BMX: variants seen among roughly 807,000 people sequenced by gnomAD.
BMX encodes cytoplasmic tyrosine-protein kinase BMX.
A neutral mutation model predicts 59.2 loss-of-function variants in BMX; 31 were observed. That is an observed-to-expected ratio of 0.52 (90% confidence interval 0.39 to 0.71). BMX has a LOEUF of 0.71. Among genes scored for constraint, BMX ranks in the 30% least tolerant of loss-of-function variants. The pLI is 0.00. For synonymous variants in BMX, 185 were observed against 181.0 expected (o/e 1.02, Z -0.18); for missense variants, 474 against 491.7 (o/e 0.96, Z 0.34).
Position 15,542,109 on chromosome X carries a change from C to G in BMX, c.1522C>G (p.Leu508Val). 1 of 1,211,585 alleles carries G rather than the reference C, an allele frequency of 8.3e-7. No homozygotes were observed. Among genetic ancestry groups the G allele is most frequent in the Non-Finnish European group, 1.1e-6 (1 of 895,342 alleles). Residue 508 changes from leucine (L) to valine (V), a missense_variant, in exon 15 of 19, where the codon CTT (leucine) becomes GTT (valine). Transcript: ENST00000348343. ...TTACCTGAGGAGTCACGGAAAAGGA[C>G]TTGAACCTTCCCAGCTCTTAGAAAT... ...LNYLRSHGKG[L>V]EPSQLLEMCY...
At chrX:15,513,020 C>T (rs1174764963) in intron 4 of BMX, among the ~76,000 whole-genome samples, 1 of 112,005 alleles carries the variant, frequency 8.9e-6, no homozygotes, top group Non-Finnish European at 1.9e-5. Flanking sequence ...GCAGAGAGTC[C>T]CCATCACTAC....
chrX:15,512,059 T>C (rs1480179506), intron 4 of BMX, among the ~76,000 whole-genome samples: 2 of 112,236 alleles, frequency 1.8e-5, no homozygotes, highest in African/African-American at 3.2e-5. Context: ...GCCACTGTCA[T>C]AGATACAGTA....
intron 14 of BMX, among the ~76,000 whole-genome samples, chrX:15,541,241 C>T (rs1305229854): frequency 1.8e-5 from 2 of 111,152 alleles, no homozygotes; most frequent in African/African-American, 3.3e-5. Flanking sequence ...CCATCTGGAA[C>T]ATCTGATTAC....
At chrX:15,501,114 C>T (rs184299429) in intron 1 of BMX, among the ~76,000 whole-genome samples, 174 bp downstream of exon 1, 1 of 111,850 alleles carries the variant, frequency 8.9e-6, no homozygotes, top group East Asian at 2.8e-4. Context: ...TTAGATGGGA[C>T]CAGGTAATTT....
chrX:15,549,700 TG>T, intron 17 of BMX, 139 bp from the exon 18 acceptor site: 1 of 671,549 alleles, frequency 1.5e-6, no homozygotes, highest in Non-Finnish European at 2.2e-6. Context: ...CTCATTTCGC[TG>T]GGACTCATTT....
Position 15,512,691 on chromosome X carries a change from A to G in BMX, c.325+1173A>G, listed in dbSNP as rs183603116. Among the ~76,000 whole-genome samples, 21 of 112,319 alleles carry G rather than the reference A, an allele frequency of 1.9e-4. No individual in the cohort carries two copies. In the Admixed American group the frequency reaches 1.9e-3, roughly 10 times the overall value. On this transcript the variant is annotated intron_variant, in intron 4 of 18. Transcript: ENST00000348343. ...GTTTAAGTTAATCCTGACCTGTCAA[A>G]TAGGAGATCACATTTCTTTTCTCCT... is the stretch of plus-strand genomic sequence containing the variant.
rs1479686211 is a variant in BMX at position 15,554,764 on chromosome X, G to A, written c.1954-1309G>A. Among the ~76,000 whole-genome samples the A allele has an allele frequency of 5.4e-5, 6 of 111,490 alleles. No homozygotes were observed. In the Admixed American group the frequency reaches 5.7e-4, roughly 11 times the overall value. ...TATGGCTCCAAATATATAATTTTAT[G>A]TGACTATTCTGTTGTTGGCAGCCCT... On this transcript the variant is annotated intron_variant, in intron 18 of 18. Transcript: ENST00000348343.
intron 15 of BMX, 136 bp downstream of exon 15, chrX:15,542,334 A>G: frequency 1.8e-6 from 1 of 542,403 alleles, no homozygotes. Context: ...GTTTAAGCAA[A>G]TGACATTTTT....
intron 9 of BMX, among the ~76,000 whole-genome samples, chrX:15,527,247 AATATATATATATATATATAT>A (rs34046926): frequency 2.8e-4 from 16 of 56,352 alleles, no homozygotes; most frequent in South Asian, 1.2e-3. Context: ...CACACACACA[AATATATATATATATATATAT>A]ATATATATAT....
At position 15,522,529 on chromosome X, in the gene BMX, A is replaced by C. The variant is rs369745985; in HGVS notation, c.694A>C (p.Met232Leu). The C allele has an allele frequency of 1.2e-5, 15 of 1,210,594 alleles. No individual in the cohort carries two copies. The highest frequency in any genetic ancestry group is 1.7e-5 in the Non-Finnish European group (15 of 895,150). Reference protein sequence around the residue: ...KIYGSQPNFNMQYIPREDFPD... With the variant: ...KIYGSQPNFNLQYIPREDFPD... The stretch of plus-strand genomic sequence containing the variant: ...CTATGGCTCCCAGCCAAACTTCAAC[A>C]TGCAGTATATTCCAAGGGAAGACTT... Residue 232 changes from methionine to leucine, a missense_variant, in exon 7 of 19, where the codon ATG becomes CTG. Met to Leu is a conservative substitution (Grantham distance 15). Coordinates refer to ENST00000348343, the MANE Select transcript of BMX (RefSeq NM_203281.3).
Position 15,533,123 on chromosome X carries a change from A to G in BMX, c.1020-1089A>G, listed in dbSNP as rs146217251. Among the ~76,000 whole-genome samples the G allele has an allele frequency of 2.5e-3, 285 of 112,705 alleles. 6 individuals are homozygous for G. The East Asian group carries it at 0.072, about 29-fold the overall frequency. ...AGCTGATTAAACATTTGCAGCAAAG[A>G]GAAGAACCATTTCTCCTTTTGTACT... On this transcript the variant is annotated intron_variant, in intron 11 of 18. Transcript: ENST00000348343.
chrX:15,528,303 C>T (rs1455659096), intron 9 of BMX, among the ~76,000 whole-genome samples: 1 of 111,862 alleles, frequency 8.9e-6, no homozygotes, highest in Non-Finnish European at 1.9e-5. Flanking sequence ...TGAGCAATTC[C>T]AGTCAATTCC....
chrX:15,524,422 G>A (rs1201265912), intron 7 of BMX, among the ~76,000 whole-genome samples: 1 of 112,356 alleles, frequency 8.9e-6, no homozygotes, highest in African/African-American at 3.2e-5. Flanking sequence ...CATTTACATT[G>A]TTGTGCAAAT....
intron 13 of BMX, 149 bp from the exon 14 acceptor site, chrX:15,536,985 G>GT (rs368798334): frequency 0.015 from 7,398 of 477,730 alleles, no homozygotes; most frequent in East Asian, 0.018. Context: ...ATCACTAAGG[G>GT]TTTTTTTTTT....
intron 14 of BMX, among the ~76,000 whole-genome samples, chrX:15,540,431 G>C (rs962288682): frequency 6.4e-5 from 7 of 108,816 alleles, no homozygotes; most frequent in Non-Finnish European, 1.1e-4. Context: ...GGGCTTGTTG[G>C]GGGGTGGGGG....
At chrX:15,533,277 A>G (rs150995407) in intron 11 of BMX, among the ~76,000 whole-genome samples, 1 of 111,599 alleles carries the variant, frequency 9.0e-6, no homozygotes, top group Non-Finnish European at 1.9e-5. Flanking sequence ...TCTTGTAGAG[A>G]TTATTTCATC....
rs1458055092 is a variant in BMX, at chrX:15,526,033, C to A, written c.831-9C>A. 2.5e-6 allele frequency: 3 copies of A among 1,202,824 alleles called. No homozygotes were observed. The highest frequency in any genetic ancestry group is 3.4e-6 in the Non-Finnish European group (3 of 891,034). On this transcript the variant is annotated splice_polypyrimidine_tract_variant and intron_variant, in intron 8 of 18. Coordinates refer to ENST00000348343, the MANE Select transcript of BMX (RefSeq NM_203281.3). ...TTCTGCACTCACGTTTTTCTCAACT[C>A]TTCTTAAGGGAATTCCCTGAGTCAA...
intron 1 of BMX, among the ~76,000 whole-genome samples, chrX:15,501,899 C>T (rs775900124): frequency 7.0e-4 from 78 of 111,760 alleles, no homozygotes; most frequent in African/African-American, 2.3e-3. Context: ...GTCTTCCTGC[C>T]TCCCATTTTC....
At chrX:15,552,156 G>T (rs1321464628) in intron 18 of BMX, among the ~76,000 whole-genome samples, 2 of 112,245 alleles carry the variant, frequency 1.8e-5, no homozygotes, top group African/African-American at 6.5e-5. Flanking sequence ...CATTTTATTT[G>T]TATGATTTCA....
Sources: gnomAD v4.1 joint callset for allele counts (sites outside exome capture counted in the v4.1 genomes callset) on GRCh38, gnomAD v4.1.1 for gene constraint, MANE v1.5 for transcripts, NCBI Gene and HGNC (gene_info 2026-07-23, HGNC 2026-07-21) for gene names.